Variants in CDC42BPA observed in about 807,000 individuals in gnomAD.
The protein encoded by CDC42BPA is CDC42 binding protein kinase alpha.
A neutral mutation model predicts 223.5 loss-of-function variants in CDC42BPA; 80 were observed. That is an observed-to-expected ratio of 0.36 (90% CI 0.30 to 0.43). The LOEUF is 0.43. CDC42BPA is among the 20% of genes least tolerant of loss of function. The pLI, the probability that CDC42BPA is intolerant of heterozygous loss-of-function variation, is 1.00. For missense variants in CDC42BPA, 1,743 were observed against 2,099.9 expected, an observed-to-expected ratio of 0.83 and a Z score of 3.32; for synonymous variants, 694 against 718.6, an observed-to-expected ratio of 0.97 and a Z score of 0.55.
At chr1:227,014,594 G>A (rs1034471355) in intron 34 of CDC42BPA, among the ~76,000 whole-genome samples, 5 of 151,750 alleles carry the variant, frequency 3.3e-5, no homozygotes, top group Non-Finnish European at 5.9e-5. Flanking sequence ...AAAGAAACTT[G>A]ACTGCACACC....
chr1:227,215,446 GA>G (rs1403963905), intron 2 of CDC42BPA, among the ~76,000 whole-genome samples: 1 of 152,088 alleles, frequency 6.6e-6, no homozygotes, highest in South Asian at 2.1e-4. Flanking sequence ...GTAAAGATTT[GA>G]AAAATTAATA....
At chr1:227,094,396 A>G (rs768756151) in intron 15 of CDC42BPA, among the ~76,000 whole-genome samples, 3 of 152,190 alleles carry the variant, frequency 2.0e-5, no homozygotes, top group Non-Finnish European at 4.4e-5. Flanking sequence ...ATAGTTCAAC[A>G]ATGAATAGCC....
intron 3 of CDC42BPA, among the ~76,000 whole-genome samples, chr1:227,211,751 T>C (rs1429507260): frequency 6.6e-6 from 1 of 150,718 alleles, no homozygotes; most frequent in Admixed American, 6.6e-5. Flanking sequence ...AATAATACAT[T>C]GCAGACTACA....
chr1:227,175,427 TAATTTA>T (rs1368917122), intron 5 of CDC42BPA, among the ~76,000 whole-genome samples: 1 of 151,060 alleles, frequency 6.6e-6, no homozygotes, highest in African/African-American at 2.4e-5. Flanking sequence ...ACTTGAAGTC[TAATTTA>T]AATATATATA....
At chr1:227,284,587 G>A (rs1688521473) in intron 1 of CDC42BPA, among the ~76,000 whole-genome samples, 1 of 152,052 alleles carries the variant, frequency 6.6e-6, no homozygotes, top group Non-Finnish European at 1.5e-5. Context: ...ATACTAAGTT[G>A]GTCCCTAAGC....
chr1:227,317,648 C>A lies in CDC42BPA; in HGVS notation c.-466G>T. ...ATTCACTTCCCGGGAAGAAGAAAAA[C>A]AGAAAAGGGAGGAAAAAAACAGAAT... is the stretch of plus-strand genomic sequence containing the variant. On this transcript the variant is annotated 5_prime_UTR_variant, in exon 1 of 37. Transcript: ENST00000366766. 1 of 395,884 alleles carries A rather than the reference C, an allele frequency of 2.5e-6. No individual in the cohort carries two copies. Among genetic ancestry groups the A allele is most frequent in the Non-Finnish European group, 4.4e-6 (1 of 224,804 alleles). 24.5% of individuals were successfully genotyped at this position (395,884 alleles called of 1,614,324 possible). A position where few individuals can be genotyped will look rare whatever the true frequency, so the allele number is the denominator to read the frequency against.
At chr1:227,000,923 A>G (rs1662691096) in intron 35 of CDC42BPA, among the ~76,000 whole-genome samples, 1 of 151,990 alleles carries the variant, frequency 6.6e-6, no homozygotes, top group Admixed American at 6.6e-5. Context: ...AGCCCCTTCC[A>G]GAGAGTTTTA....
At chr1:227,222,117 C>G (rs1676022059) in intron 2 of CDC42BPA, among the ~76,000 whole-genome samples, 1 of 150,720 alleles carries the variant, frequency 6.6e-6, no homozygotes, top group Admixed American at 6.6e-5. Flanking sequence ...CCTGTGATCC[C>G]AGCTACTTGG....
chr1:227,258,329 C>T (rs913063053), intron 1 of CDC42BPA, among the ~76,000 whole-genome samples: 3 of 150,778 alleles, frequency 2.0e-5, no homozygotes, highest in African/African-American at 5.0e-5. Context: ...CCTAGCTCCC[C>T]CACCCAGACT....
At chr1:227,091,056 C>G (rs1450585129) in intron 16 of CDC42BPA, among the ~76,000 whole-genome samples, 1 of 152,150 alleles carries the variant, frequency 6.6e-6, no homozygotes, top group Non-Finnish European at 1.5e-5. Flanking sequence ...CCCCTGGTAT[C>G]ATTTCTAGCT....
At chr1:227,251,280 A>T (rs1681958909) in intron 2 of CDC42BPA, among the ~76,000 whole-genome samples, 1 of 152,174 alleles carries the variant, frequency 6.6e-6, no homozygotes, top group Admixed American at 6.5e-5. Flanking sequence ...GCAAAATATA[A>T]ATTTACCAAG....
intron 1 of CDC42BPA, among the ~76,000 whole-genome samples, chr1:227,289,333 A>G (rs1689316184): frequency 6.6e-6 from 1 of 152,028 alleles, no homozygotes; most frequent in South Asian, 2.1e-4. Flanking sequence ...TCCTTTTTCC[A>G]TCTTAAGGAC....
chr1:227,314,625 T>G (rs1348319732), intron 1 of CDC42BPA, among the ~76,000 whole-genome samples: 1 of 152,052 alleles, frequency 6.6e-6, no homozygotes, highest in Non-Finnish European at 1.5e-5. Context: ...GACTGTACTT[T>G]AAGAGTAATC....
At chr1:227,240,985 A>C (rs1301794029) in intron 2 of CDC42BPA, among the ~76,000 whole-genome samples, 4 of 152,100 alleles carry the variant, frequency 2.6e-5, no homozygotes, top group Admixed American at 6.5e-5. Flanking sequence ...ACATCTGACA[A>C]AGAACTCCTA....
chr1:227,130,925 A>T (rs577350697), intron 10 of CDC42BPA, among the ~76,000 whole-genome samples: 5 of 152,168 alleles, frequency 3.3e-5, no homozygotes, highest in Non-Finnish European at 4.4e-5. Context: ...TTCCTCCTGT[A>T]CCCCACCTAC....
intron 1 of CDC42BPA, among the ~76,000 whole-genome samples, chr1:227,292,044 G>A (rs1231858295): frequency 6.6e-6 from 1 of 151,812 alleles, no homozygotes; most frequent in African/African-American, 2.4e-5. Context: ...GTGCAGTGGT[G>A]CGATCTCGGC....
intron 1 of CDC42BPA, among the ~76,000 whole-genome samples, chr1:227,270,820 C>T (rs1484691844): frequency 6.6e-6 from 1 of 152,160 alleles, no homozygotes; most frequent in African/African-American, 2.4e-5. Context: ...ATTCTATATA[C>T]TGAGTATAAC....
At chr1:227,115,700 T>C (rs1687660776) in intron 12 of CDC42BPA, among the ~76,000 whole-genome samples, 1 of 152,106 alleles carries the variant, frequency 6.6e-6, no homozygotes, top group Non-Finnish European at 1.5e-5. Context: ...GAGCAAGTTC[T>C]GTAATGACAC....
intron 11 of CDC42BPA, among the ~76,000 whole-genome samples, chr1:227,122,640 A>T (rs1227591492): frequency 6.6e-6 from 1 of 152,236 alleles, no homozygotes; most frequent in Non-Finnish European, 1.5e-5. Flanking sequence ...TTTAAACAAC[A>T]GTATGTGAAT....
Sources: gnomAD v4.1 joint callset for allele counts (sites outside exome capture counted in the v4.1 genomes callset) on GRCh38, gnomAD v4.1.1 for gene constraint, MANE v1.5 for transcripts, NCBI Gene and HGNC (gene_info 2026-07-23, HGNC 2026-07-21) for gene names.